The following PRSS12 variants were observed in gnomAD, a reference collection of about 807,000 sequenced individuals.
The protein encoded by PRSS12 is neurotrypsin.
A neutral mutation model predicts 104.4 loss-of-function variants in PRSS12; 85 were observed. The ratio of observed to expected loss-of-function variants is 0.81; its 90% confidence interval spans 0.68 to 0.98. The LOEUF is 0.98. Among genes scored for constraint, PRSS12 ranks in the 50% least tolerant of loss-of-function variants. The probability of loss-of-function intolerance (pLI) is 0.00; values close to 1 mark genes in which losing one functional copy is unlikely to be tolerated. For missense variants in PRSS12, 1,141 were observed against 1,139.2 expected, an observed-to-expected ratio of 1.00 and a Z score of -0.02; for synonymous variants, 454 against 425.2, an observed-to-expected ratio of 1.07 and a Z score of -0.83.
intron 10 of PRSS12, among the ~76,000 whole-genome samples, chr4:118,295,572 C>G (rs1451540436): frequency 6.6e-6 from 1 of 152,184 alleles, no homozygotes; most frequent in Non-Finnish European, 1.5e-5. Flanking sequence ...CACATCTAAT[C>G]TCTTAAATCA....
intron 3 of PRSS12, among the ~76,000 whole-genome samples, chr4:118,334,118 T>C (rs1724003156): frequency 6.6e-6 from 1 of 152,204 alleles, no homozygotes; most frequent in Non-Finnish European, 1.5e-5. Context: ...TGTTCGCTGA[T>C]TTCAGCTATA....
rs561881893 is a variant in PRSS12 at position 118,298,719 on chromosome 4, A to C, written c.1837+14T>G. 2.7e-5 allele frequency: 43 copies of C among 1,612,686 alleles called. No homozygotes were observed. The East Asian group carries it at 8.2e-4, about 31-fold the overall frequency. On this transcript the variant is annotated intron_variant, in intron 9 of 12. Transcript: ENST00000296498. The stretch of plus-strand genomic sequence containing the variant: ...TATTCCTTGACTTGTTTAGGGCTCC[A>C]GAAGGTGACTTACCTTTATTACTGT...
chr4:118,288,781 G>T (rs1031261108), intron 11 of PRSS12, among the ~76,000 whole-genome samples: 5 of 152,124 alleles, frequency 3.3e-5, no homozygotes, highest in African/African-American at 1.2e-4. Flanking sequence ...GCAAAAATTA[G>T]CAATTTATAT....
chr4:118,303,104 TGAA>T (rs1317157814), intron 8 of PRSS12, among the ~76,000 whole-genome samples: 3 of 152,082 alleles, frequency 2.0e-5, no homozygotes, highest in African/African-American at 7.2e-5. Flanking sequence ...TAATAATTTT[TGAA>T]ATTATTAAGA....
At chr4:118,318,583 T>G in intron 4 of PRSS12, 27 bp from the exon 5 acceptor site, 1 of 1,608,280 alleles carries the variant, frequency 6.2e-7, no homozygotes. Flanking sequence ...ATGTAAGGAT[T>G]CTGGATTAGA....
At chr4:118,295,625 A>G (rs35774897) in intron 10 of PRSS12, among the ~76,000 whole-genome samples, 153 bp downstream of exon 10, 9,297 of 152,314 alleles carry the variant, frequency 0.061, 386 homozygotes, top group Non-Finnish European at 0.093. Context: ...AACATAGGTC[A>G]AAGGACAGTG....
chr4:118,332,229 G>A (rs1258877276), intron 3 of PRSS12, among the ~76,000 whole-genome samples: 1 of 152,062 alleles, frequency 6.6e-6, no homozygotes, highest in Non-Finnish European at 1.5e-5. Context: ...ACAGTAACTT[G>A]AGCATTACCA....
chr4:118,339,786 T>C (rs1724154134), intron 1 of PRSS12, among the ~76,000 whole-genome samples: 1 of 152,246 alleles, frequency 6.6e-6, no homozygotes, highest in South Asian at 2.1e-4. Flanking sequence ...TTAATGATTT[T>C]TTATATCACA....
chr4:118,282,805 C>A, intron 12 of PRSS12, 26 bp downstream of exon 12: 1 of 1,613,492 alleles, frequency 6.2e-7, no homozygotes, highest in Non-Finnish European at 8.5e-7. Flanking sequence ...CAAAAAGGTG[C>A]CCTGCTTTTT....
chr4:118,295,742 T>C, intron 10 of PRSS12, 36 bp downstream of exon 10: 1 of 1,553,580 alleles, frequency 6.4e-7, no homozygotes, highest in Non-Finnish European at 8.9e-7. Context: ...TAAATAATTC[T>C]GTAATATAAA....
intron 1 of PRSS12, among the ~76,000 whole-genome samples, chr4:118,349,196 G>A (rs571190229): frequency 6.6e-6 from 1 of 152,104 alleles, no homozygotes; most frequent in South Asian, 2.1e-4. Flanking sequence ...TTTAAAGGAG[G>A]GATCACATTA....
intron 1 of PRSS12, among the ~76,000 whole-genome samples, chr4:118,346,343 TATC>T (rs1026853489): frequency 2.6e-4 from 40 of 152,126 alleles, no homozygotes; most frequent in African/African-American, 9.6e-4. Context: ...AATTCATAAT[TATC>T]ATGTTTTCTT....
intron 2 of PRSS12, 54 bp from the exon 3 acceptor site, chr4:118,335,705 T>A: frequency 6.6e-7 from 1 of 1,523,442 alleles, no homozygotes; most frequent in Non-Finnish European, 9.1e-7. Context: ...AAACTTTTTA[T>A]CAAAACATTT....
At chr4:118,344,178 C>T (rs1409544895) in intron 1 of PRSS12, among the ~76,000 whole-genome samples, 2 of 152,068 alleles carry the variant, frequency 1.3e-5, no homozygotes, top group Non-Finnish European at 2.9e-5. Flanking sequence ...AAAACCATTA[C>T]ATGTTGAACA....
At chr4:118,317,705 T>G (rs956951596) in intron 5 of PRSS12, among the ~76,000 whole-genome samples, 1 of 152,242 alleles carries the variant, frequency 6.6e-6, no homozygotes. Flanking sequence ...ATTTCATAGA[T>G]TCTAACAAGT....
At chr4:118,317,012 T>C (rs909405752) in intron 5 of PRSS12, among the ~76,000 whole-genome samples, 2 of 151,374 alleles carry the variant, frequency 1.3e-5, no homozygotes, top group African/African-American at 4.8e-5. Flanking sequence ...CATTTAAATT[T>C]AAAAAGAAAA....
At position 118,280,074 on chromosome 4, in the gene PRSS12, A is replaced by G. The variant is rs1274204062; in HGVS notation, c.*1862T>C. Reference sequence around the variant, plus strand: ...AAATTATGTATTTATTTACACAAATATGCACAGAACACTTGTATCTTTCAA... The same window carrying G: ...AAATTATGTATTTATTTACACAAATGTGCACAGAACACTTGTATCTTTCAA... On this transcript the variant is annotated 3_prime_UTR_variant, in exon 13 of 13. Coordinates refer to ENST00000296498, the MANE Select transcript of PRSS12 (RefSeq NM_003619.4). 1 of 152,274 alleles carries G rather than the reference A, an allele frequency of 6.6e-6. No individual in the cohort carries two copies. The highest frequency in any genetic ancestry group is 1.5e-5 in the Non-Finnish European group (1 of 68,050). The allele number at this position is 152,274 out of a possible 1,614,324, so 9.4% of individuals were successfully genotyped here.
At chr4:118,332,875 T>C (rs1216966875) in intron 3 of PRSS12, among the ~76,000 whole-genome samples, 1 of 152,110 alleles carries the variant, frequency 6.6e-6, no homozygotes, top group Non-Finnish European at 1.5e-5. Context: ...TTGTACAAGG[T>C]GTTATGATCA....
intron 11 of PRSS12, among the ~76,000 whole-genome samples, chr4:118,287,595 T>C (rs902430012): frequency 3.3e-5 from 5 of 152,226 alleles, no homozygotes; most frequent in Non-Finnish European, 7.3e-5. Context: ...GGAATAGTTT[T>C]CCAACCAAAT....
Sources: allele counts gnomAD v4.1 joint callset (sites outside exome capture counted in the v4.1 genomes callset), GRCh38; gene constraint gnomAD v4.1.1; transcripts MANE v1.5; gene names NCBI Gene and HGNC (gene_info 2026-07-23, HGNC 2026-07-21).